The following ZSWIM6 variants were observed in gnomAD, a reference collection of about 807,000 sequenced individuals.
ZSWIM6 encodes the protein zinc finger SWIM domain-containing protein 6.
In ZSWIM6, 9 loss-of-function variants were observed where a neutral mutation model predicts 113.2. The ratio of observed to expected loss-of-function variants is 0.08; its 90% CI spans 0.05 to 0.14. The LOEUF (loss-of-function observed/expected upper bound fraction) is 0.14, where lower values mean the gene tolerates loss of function less well. Among genes scored for constraint, ZSWIM6 ranks in the 10% least tolerant of loss-of-function variants. ZSWIM6 has a pLI of 1.00. For synonymous variants in ZSWIM6, 611 were observed against 606.5 expected, an observed-to-expected ratio of 1.01 and a Z score of -0.11; for missense variants, 1,162 against 1,552.2, an observed-to-expected ratio of 0.75 and a Z score of 4.22.
intron 1 of ZSWIM6, among the ~76,000 whole-genome samples, chr5:61,396,267 C>CT (rs1260870763): frequency 6.6e-6 from 1 of 152,162 alleles, no homozygotes; most frequent in Non-Finnish European, 1.5e-5. Flanking sequence ...GGTGCAGTGG[C>CT]TCACGCCTGT....
chr5:61,332,350 CA>C lies in ZSWIM6; in HGVS notation c.79del (p.Ser27AlafsTer83). ...CGGGCGGCGGCGGCGGCGGCGGGGG[CA>C]GCAGCGGCGGCGGCGGCGGCGCGGG... ...RPGGGGGGGG[S>X]SGGGGGAGGG... On this transcript the variant is annotated frameshift_variant, in exon 1 of 14. Transcript: ENST00000252744. LOFTEE classifies it high-confidence loss of function. 3 of 1,012,152 alleles carry C rather than the reference CA, an allele frequency of 3.0e-6. No individual in the cohort carries two copies. Among genetic ancestry groups the C allele is most frequent in the Non-Finnish European group, 3.6e-6 (3 of 830,654 alleles). 62.7% of individuals were successfully genotyped at this position (1,012,152 alleles called of 1,614,324 possible).
intron 1 of ZSWIM6, among the ~76,000 whole-genome samples, chr5:61,397,418 C>G (rs1180483076): frequency 6.6e-6 from 1 of 152,162 alleles, no homozygotes; most frequent in Non-Finnish European, 1.5e-5. Context: ...ACTATAAATC[C>G]TCATTTCAGG....
intron 1 of ZSWIM6, among the ~76,000 whole-genome samples, chr5:61,341,635 G>C (rs570348904): frequency 1.3e-5 from 2 of 152,176 alleles, no homozygotes; most frequent in East Asian, 1.9e-4. Flanking sequence ...CTGAAAGTTT[G>C]AAGTGCTGAT....
chr5:61,491,046 G>T lies in ZSWIM6; in HGVS notation c.1182+112G>T. 3.7e-6 allele frequency: 4 copies of T among 1,082,368 alleles called. No homozygotes were observed. The East Asian group carries it at 1.3e-4, about 34-fold the overall frequency. The allele number at this position is 1,082,368 out of a possible 1,614,324, so 67.0% of individuals were successfully genotyped here. A position where few individuals can be genotyped will look rare whatever the true frequency, so the allele number is the denominator to read the frequency against. ...AGACTTTTAAAAATTAAAGAACAGG[G>T]TCTTAGCTGACCAATAGAAACTTTT... On this transcript the variant is annotated intron_variant, in intron 3 of 13. Transcript: ENST00000252744.
chr5:61,497,622 T>C (rs1377202732), intron 4 of ZSWIM6, among the ~76,000 whole-genome samples: 2 of 152,194 alleles, frequency 1.3e-5, no homozygotes, highest in African/African-American at 4.8e-5. Context: ...CAGATACATT[T>C]ATCTTATACA....
chr5:61,446,916 C>G (rs1002917031), intron 1 of ZSWIM6, among the ~76,000 whole-genome samples: 20 of 152,092 alleles, frequency 1.3e-4, no homozygotes, highest in African/African-American at 4.6e-4. Flanking sequence ...ATAGCAATAC[C>G]AACTCACTGG....
At chr5:61,413,717 AATTGGTGTGAGATGGTATCTC>A (rs1746190854) in intron 1 of ZSWIM6, among the ~76,000 whole-genome samples, 1 of 152,028 alleles carries the variant, frequency 6.6e-6, no homozygotes, top group African/African-American at 2.4e-5. Flanking sequence ...TTGCCATTCT[AATTGGTGTGAGATGGTATCTC>A]ATTGTGGTTT....
chr5:61,438,681 A>T (rs1295101824), intron 1 of ZSWIM6, among the ~76,000 whole-genome samples: 1 of 152,224 alleles, frequency 6.6e-6, no homozygotes, highest in Non-Finnish European at 1.5e-5. Context: ...AAGGTAGCAG[A>T]TGCTGTGGTG....
At chr5:61,439,955 C>T (rs1376758323) in intron 1 of ZSWIM6, among the ~76,000 whole-genome samples, 2 of 151,986 alleles carry the variant, frequency 1.3e-5, no homozygotes, top group South Asian at 2.1e-4. Flanking sequence ...CCCTTTCTAC[C>T]TAATCTGGAT....
chr5:61,532,602 C>T (rs911212459), intron 9 of ZSWIM6, among the ~76,000 whole-genome samples: 1 of 152,074 alleles, frequency 6.6e-6, no homozygotes, highest in Non-Finnish European at 1.5e-5. Flanking sequence ...TTTTATTTGT[C>T]CAAAGCAAAA....
chr5:61,455,811 G>A (rs951544316), intron 1 of ZSWIM6, among the ~76,000 whole-genome samples: 3 of 5,276 alleles, frequency 5.7e-4, no homozygotes, highest in Non-Finnish European at 1.1e-3. Flanking sequence ...CTCCACCCCC[G>A]CCTTCTCTCC....
chr5:61,369,621 C>T (rs1745223521), intron 1 of ZSWIM6, among the ~76,000 whole-genome samples: 3 of 152,080 alleles, frequency 2.0e-5, no homozygotes, highest in South Asian at 4.1e-4. Context: ...AGTGGACAGC[C>T]CTATTTATGT....
chr5:61,387,777 G>C (rs996111359), intron 1 of ZSWIM6, among the ~76,000 whole-genome samples: 9 of 151,654 alleles, frequency 5.9e-5, no homozygotes, highest in Non-Finnish European at 8.8e-5. Flanking sequence ...TGGGCATGGT[G>C]GCGCATCCCT....
chr5:61,443,222 GA>G (rs1443015388), intron 1 of ZSWIM6, among the ~76,000 whole-genome samples: 1 of 152,196 alleles, frequency 6.6e-6, no homozygotes, highest in Non-Finnish European at 1.5e-5. Flanking sequence ...TTGTGGATGA[GA>G]AAGACCTTTG....
chr5:61,391,630 A>G (rs1032369029), intron 1 of ZSWIM6: 9 of 930,120 alleles, frequency 9.7e-6, no homozygotes, highest in Non-Finnish European at 1.4e-5. Context: ...CATGGGTGGT[A>G]TCTCCACAAT....
chr5:61,380,648 A>C (rs1005033971), intron 1 of ZSWIM6, among the ~76,000 whole-genome samples: 1 of 152,170 alleles, frequency 6.6e-6, no homozygotes, highest in African/African-American at 2.4e-5. Context: ...GGCACCTAGC[A>C]GGTACTCAAG....
intron 1 of ZSWIM6, among the ~76,000 whole-genome samples, chr5:61,451,457 G>C (rs375238785): frequency 6.6e-6 from 1 of 152,136 alleles, no homozygotes; most frequent in East Asian, 1.9e-4. Flanking sequence ...TTCAAAATCA[G>C]AAGACATTTT....
intron 1 of ZSWIM6, among the ~76,000 whole-genome samples, chr5:61,458,990 A>G (rs1011653478): frequency 6.6e-6 from 1 of 152,094 alleles, no homozygotes; most frequent in Admixed American, 6.6e-5. Context: ...TTCTAATTCC[A>G]TTTATACTAC....
chr5:61,541,830 T>C, intron 12 of ZSWIM6, 54 bp from the exon 13 acceptor site: 4 of 1,464,572 alleles, frequency 2.7e-6, no homozygotes, highest in Non-Finnish European at 2.8e-6. Flanking sequence ...CCCCCCTTTT[T>C]TTTCATTGAC....
Sources: allele counts gnomAD v4.1 joint callset (sites outside exome capture counted in the v4.1 genomes callset), GRCh38; gene constraint gnomAD v4.1.1; transcripts MANE v1.5; gene names NCBI Gene and HGNC (gene_info 2026-07-23, HGNC 2026-07-21).